MROH2B: variants seen among roughly 807,000 people sequenced by gnomAD.
MROH2B encodes maestro heat like repeat family member 2B, also known as maestro heat-like repeat-containing protein family member 2B.
Under a neutral mutation model 208.6 loss-of-function variants are expected in MROH2B, and 177 were observed. That is an observed-to-expected ratio of 0.85 (90% confidence interval 0.75 to 0.96). The LOEUF (loss-of-function observed/expected upper bound fraction) is 0.96, where lower values mean the gene tolerates loss of function less well. MROH2B is among the 40% of genes least tolerant of loss of function. The pLI, the probability that MROH2B is intolerant of heterozygous loss-of-function variation, is 0.00. For synonymous variants in MROH2B, 728 were observed against 659.0 expected, an observed-to-expected ratio of 1.10 and a Z score of -1.60; for missense variants, 2,002 against 1,878.7, an observed-to-expected ratio of 1.07 and a Z score of -1.21.
chr5:41,002,961 C>CTT (rs200774331), intron 37 of MROH2B, among the ~76,000 whole-genome samples: 5 of 136,502 alleles, frequency 3.7e-5, no homozygotes, highest in Non-Finnish European at 6.3e-5. Context: ...TTAAAAATTG[C>CTT]TTTTTTTTTT....
Position 41,048,343 on chromosome 5 carries a change from C to T in MROH2B, c.1665G>A (p.Glu555=). The T allele has an allele frequency of 1.2e-6, 2 of 1,613,236 alleles. No individual in the cohort carries two copies. The highest frequency in any genetic ancestry group is 2.2e-5 in the South Asian group (2 of 91,006). The change falls in exon 16 of 42, where the codon GAG becomes GAA. Residue 555 remains glutamate, a synonymous_variant. Coordinates refer to ENST00000399564, the MANE Select transcript of MROH2B (RefSeq NM_173489.5). ...LVDLWKTRLP[E]LLQPLEGKNI... ...TTGTACCTTCCAGAGGCTGCAGAAG[C>T]TCAGGTAAACGTGTTTTCCATAGGT...
intron 3 of MROH2B, among the ~76,000 whole-genome samples, 186 bp from the exon 4 acceptor site, chr5:41,065,676 G>C (rs1743787086): frequency 6.6e-6 from 1 of 152,096 alleles, no homozygotes; most frequent in South Asian, 2.1e-4. Context: ...GGCTTCTAGT[G>C]AACCCTCACC....
intron 19 of MROH2B, among the ~76,000 whole-genome samples, chr5:41,040,707 A>C (rs325852): frequency 0.85 from 129,917 of 152,114 alleles, 55,653 homozygotes; most frequent in Middle Eastern, 0.89. Flanking sequence ...CACACTGTCA[A>C]CCAGGCTGGA....
At chr5:41,030,836 GTATT>G (rs1742543804) in intron 24 of MROH2B, among the ~76,000 whole-genome samples, 3 of 151,994 alleles carry the variant, frequency 2.0e-5, no homozygotes, top group Admixed American at 1.3e-4. Context: ...CAATATGAAT[GTATT>G]TAACAATACT....
In MROH2B at chr5:41,007,388, A is replaced by C. The variant is rs145454293; in HGVS notation, c.3675T>G (p.Ser1225=). 723 of 1,557,544 alleles carry C rather than the reference A, an allele frequency of 4.6e-4. 5 individuals carry two copies. The African/African-American group carries it at 8.6e-3, about 19-fold the overall frequency. Residue 1225 remains serine, a synonymous_variant, in exon 34 of 42, where the codon TCT becomes TCG. Transcript: ENST00000399564. ...QAMREGLAKE[S]DEGDNLWTLL... is the part of the protein sequence containing the mutation. The stretch of plus-strand genomic sequence containing the variant: ...GAGTCCATAAGTTGTCCCCCTCATC[A>C]GATTCCTTTGCAAGGCCTTCTCTCA...
At chr5:41,033,183 G>A (rs747714225) in intron 22 of MROH2B, 23 bp from the exon 23 acceptor site, 1 of 1,610,956 alleles carries the variant, frequency 6.2e-7, no homozygotes, top group East Asian at 2.2e-5. Context: ...CATTTACAAT[G>A]CAAGTCAAGG....
chr5:41,005,859 C>T (rs1475561479), intron 34 of MROH2B, among the ~76,000 whole-genome samples: 1 of 151,704 alleles, frequency 6.6e-6, no homozygotes, highest in Non-Finnish European at 1.5e-5. Flanking sequence ...GGTGAAACCC[C>T]GTATCTACTA....
At chr5:41,023,147 A>G (rs571821444) in intron 24 of MROH2B, among the ~76,000 whole-genome samples, 64 of 152,336 alleles carry the variant, frequency 4.2e-4, no homozygotes, top group African/African-American at 1.4e-3. Flanking sequence ...CTCCCCCTCC[A>G]AAGGAAAGCA....
chr5:41,004,497 G>A lies in MROH2B; in HGVS notation c.4043C>T (p.Ser1348Phe). The A allele has an allele frequency of 6.2e-7, 1 of 1,612,298 alleles. No individual in the cohort carries two copies. The change falls in exon 37 of 42, where the codon TCT becomes TTT. Residue 1348 changes from serine to phenylalanine, a missense_variant. Coordinates refer to ENST00000399564, the MANE Select transcript of MROH2B (RefSeq NM_173489.5). ...TAGGTGATACAGGCCTCTGATGATA[G>A]ATTCTAGCATTAACTGCTTATGTTT... The part of the protein sequence containing the change: ...VKKHKQLMLE[S>F]IIRGLYHLAR...
At chr5:41,022,048 A>G (rs952162128) in intron 24 of MROH2B, among the ~76,000 whole-genome samples, 1 of 152,224 alleles carries the variant, frequency 6.6e-6, no homozygotes, top group African/African-American at 2.4e-5. Flanking sequence ...GCATGATGTT[A>G]TAAGATATAC....
chr5:41,006,534 A>ACGC (rs1741599026), intron 34 of MROH2B, among the ~76,000 whole-genome samples: 1 of 152,204 alleles, frequency 6.6e-6, no homozygotes, highest in Non-Finnish European at 1.5e-5. Flanking sequence ...ATACTTGCAC[A>ACGC]CACATGTTTA....
rs77908560 is a variant in MROH2B at position 41,002,761 on chromosome 5, G to A, written c.4194+1585C>T. Among the ~76,000 whole-genome samples, 1,164 of 152,202 alleles carry A rather than the reference G, an allele frequency of 7.6e-3. 42 individuals carry two copies. The East Asian group carries it at 0.13, about 16-fold the overall frequency. On this transcript the variant is annotated intron_variant, in intron 37 of 41. Coordinates refer to ENST00000399564, the MANE Select transcript of MROH2B (RefSeq NM_173489.5). The stretch of plus-strand genomic sequence containing the variant: ...TGATGACACTGGGCAACATTATCTT[G>A]ACCACTAAATTGTTAAGTGGACTTG...
intron 28 of MROH2B, among the ~76,000 whole-genome samples, 182 bp downstream of exon 28, chr5:41,017,668 A>AAGAG (rs1217445650): frequency 1.3e-5 from 2 of 151,792 alleles, no homozygotes; most frequent in African/African-American, 4.8e-5. Context: ...AACAGAGAGA[A>AAGAG]AGAGAGAGAG....
At chr5:41,005,860 G>A (rs1374446348) in intron 34 of MROH2B, among the ~76,000 whole-genome samples, 1 of 151,684 alleles carries the variant, frequency 6.6e-6, no homozygotes, top group Non-Finnish European at 1.5e-5. Context: ...GTGAAACCCC[G>A]TATCTACTAA....
intron 12 of MROH2B, among the ~76,000 whole-genome samples, chr5:41,052,133 C>A (rs1357858007): frequency 6.6e-6 from 1 of 150,482 alleles, no homozygotes; most frequent in African/African-American, 2.4e-5. Flanking sequence ...CCAATCCAAG[C>A]TTTTGGTGGC....
chr5:41,017,850 CT>C lies in MROH2B; in HGVS notation c.2883del (p.Gly962AlafsTer31). The C allele has an allele frequency of 6.3e-7, 1 of 1,587,276 alleles. No individual in the cohort carries two copies. The highest frequency in any genetic ancestry group is 1.2e-5 in the South Asian group (1 of 86,598). Reference sequence around the variant, plus strand: ...TGTGGGTTCCCCATCTTTCCCTCACCTTTTATATAGAACAGACCAATAGTTG... The same window carrying C: ...TGTGGGTTCCCCATCTTTCCCTCACCTTTATATAGAACAGACCAATAGTTG... ...ASSTIGLFYIKGIHLEVERLQ... is the reference protein window; with the variant it reads ...ASSTIGLFYIXGIHLEVERLQ... On this transcript the variant is annotated frameshift_variant and splice_region_variant, in exon 28 of 42. Transcript: ENST00000399564. LOFTEE classifies it high-confidence loss of function.
chr5:41,019,131 T>C, intron 24 of MROH2B, 113 bp from the exon 25 acceptor site: 1 of 1,289,132 alleles, frequency 7.8e-7, no homozygotes, highest in Non-Finnish European at 1.1e-6. Flanking sequence ...CGTGTCACAT[T>C]TTCTGACACG....
chr5:41,061,382 C>T (rs1743632536), intron 6 of MROH2B, among the ~76,000 whole-genome samples, 188 bp downstream of exon 6: 1 of 151,928 alleles, frequency 6.6e-6, no homozygotes, highest in African/African-American at 2.4e-5. Flanking sequence ...ATTCAATAAA[C>T]ATTAACTGAA....
intron 28 of MROH2B, 63 bp from the exon 29 acceptor site, chr5:41,015,541 G>A: frequency 6.8e-7 from 1 of 1,465,068 alleles, no homozygotes; most frequent in Non-Finnish European, 9.4e-7. Flanking sequence ...TGAAGAGGCT[G>A]GCTATATTTT....
Sources: gnomAD v4.1 joint callset for allele counts (sites outside exome capture counted in the v4.1 genomes callset) on GRCh38, gnomAD v4.1.1 for gene constraint, MANE v1.5 for transcripts, NCBI Gene and HGNC (gene_info 2026-07-23, HGNC 2026-07-21) for gene names.